PCNX4: variants seen among roughly 807,000 people sequenced by gnomAD.
PCNX4 encodes the protein pecanex 4.
PCNX4 carries 103 observed loss-of-function variants against 107.2 expected under a neutral mutation model. That is an observed-to-expected ratio of 0.96 (90% confidence interval 0.82 to 1.13). The LOEUF (loss-of-function observed/expected upper bound fraction) is 1.13. Ranked by LOEUF, PCNX4 falls within the 50% of genes most tolerant of loss-of-function variation. The pLI, the probability that PCNX4 is intolerant of heterozygous loss-of-function variation, is 0.00. For missense variants in PCNX4, 1,528 were observed against 1,379.4 expected (o/e 1.11, Z -1.71); for synonymous variants, 541 against 481.7 (o/e 1.12, Z -1.61).
At chr14:60,132,290 G>A (rs1595180910) in intron 10 of PCNX4, among the ~76,000 whole-genome samples, 1 of 152,254 alleles carries the variant, frequency 6.6e-6, no homozygotes, top group East Asian at 1.9e-4. Context: ...TTATAAGGAT[G>A]TCAGTCACTG....
intron 10 of PCNX4, among the ~76,000 whole-genome samples, chr14:60,128,682 T>A (rs1412025554): frequency 6.6e-6 from 1 of 152,156 alleles, no homozygotes; most frequent in Non-Finnish European, 1.5e-5. Context: ...ACTGTGTAAT[T>A]ATAAAAAACA....
At position 60,143,618 on chromosome 14, in the gene PCNX4, G is replaced by GTACA. The variant is rs1256785356; in HGVS notation, c.*9400_*9403dup. On this transcript the variant is annotated 3_prime_UTR_variant, in exon 11 of 11. Transcript: ENST00000406854. ...TTCTTCACTTATGACTATGCCTCTA[G>GTACA]TACATATCCATGTTGTTATGTATGC... is the stretch of plus-strand genomic sequence containing the variant. 1 of 152,168 alleles carries GTACA rather than the reference G, an allele frequency of 6.6e-6. No homozygotes were observed. Among genetic ancestry groups the GTACA allele is most frequent in the Non-Finnish European group, 1.5e-5 (1 of 68,042 alleles). The allele number at this position is 152,168 out of a possible 1,614,324, so 9.4% of individuals were successfully genotyped here. A position where few individuals can be genotyped will look rare whatever the true frequency, so the allele number is the denominator to read the frequency against.
In PCNX4 at chr14:60,115,443, C is replaced by T. The variant is rs562315792; in HGVS notation, c.1339C>T (p.Arg447Trp). The T allele has an allele frequency of 4.7e-5, 72 of 1,526,996 alleles. No homozygotes were observed. Among genetic ancestry groups the T allele is most frequent in the Middle Eastern group, 1.8e-4 (1 of 5,692 alleles). The allele number at this position is 1,526,996 out of a possible 1,614,324, so 94.6% of individuals were successfully genotyped here. Reference sequence around the variant, plus strand: ...GCTCATGAAGATTGGTATTGTCAGACGGATTTTGCTAACTTTAGGTAGGAA... The same window carrying T: ...GCTCATGAAGATTGGTATTGTCAGATGGATTTTGCTAACTTTAGGTAGGAA... ...TRLMKIGIVRRILLTLVSPFA... is the reference protein window; with the variant it reads ...TRLMKIGIVRWILLTLVSPFA... The change falls in exon 4 of 11, where the codon CGG (arginine) becomes TGG (tryptophan). Residue 447 changes from arginine to tryptophan, a missense_variant. Arg to Trp is a moderately radical substitution (Grantham distance 101). Coordinates refer to ENST00000406854, the MANE Select transcript of PCNX4 (RefSeq NM_001330177.2).
intron 1 of PCNX4, among the ~76,000 whole-genome samples, chr14:60,106,514 G>A (rs538084406): frequency 5.3e-5 from 8 of 152,310 alleles, no homozygotes; most frequent in African/African-American, 1.9e-4. Flanking sequence ...TACTTGCAGG[G>A]CTGTCATGTG....
chr14:60,115,353 T>A lies in PCNX4; in HGVS notation c.1249T>A (p.Phe417Ile). ...EIQSVYIIGIFRNPFYPKDVQ... is the reference protein window; with the variant it reads ...EIQSVYIIGIIRNPFYPKDVQ... ...TCAAAGCGTATATATCATTGGAATT[T>A]TCCGAAATCCCTTTTATCCGAAGGA... The change falls in exon 4 of 11, where the codon TTC becomes ATC. Residue 417 changes from phenylalanine (F) to isoleucine (I), a missense_variant. Transcript: ENST00000406854. 6.2e-7 allele frequency: 1 copy of A among 1,605,100 alleles called. No individual in the cohort carries two copies. The highest frequency in any genetic ancestry group is 8.5e-7 in the Non-Finnish European group (1 of 1,175,044).
chr14:60,115,628 G>A, intron 4 of PCNX4, 91 bp from the exon 5 acceptor site: 3 of 1,359,384 alleles, frequency 2.2e-6, no homozygotes, highest in Non-Finnish European at 3.0e-6. Flanking sequence ...GCTTAAATGT[G>A]CTCATAAAAA....
intron 8 of PCNX4, among the ~76,000 whole-genome samples, chr14:60,123,553 A>G (rs939364429): frequency 3.3e-5 from 5 of 152,046 alleles, no homozygotes; most frequent in African/African-American, 1.2e-4. Flanking sequence ...GTGACCTGAT[A>G]CCTCCTTTTC....
chr14:60,125,256 T>A lies in PCNX4; in HGVS notation c.3080+5T>A. ...ACTAGCACTGAAAGCATTCAGGTAA[T>A]CCATTTTGATCATATGTAAGTTATA... On this transcript the variant is annotated splice_donor_5th_base_variant and intron_variant, in intron 9 of 10. Transcript: ENST00000406854. 6.5e-7 allele frequency: 1 copy of A among 1,532,132 alleles called. No homozygotes were observed. The highest frequency in any genetic ancestry group is 8.7e-7 in the Non-Finnish European group (1 of 1,143,342). The allele number at this position is 1,532,132 out of a possible 1,614,324, so 94.9% of individuals were successfully genotyped here. A position where few individuals can be genotyped will look rare whatever the true frequency, so the allele number is the denominator to read the frequency against.
Position 60,125,078 on chromosome 14 carries a change from CTT to C in PCNX4, c.2910_2911del (p.Phe970LeufsTer11). 6.2e-7 allele frequency: 1 copy of C among 1,613,450 alleles called. No individual in the cohort carries two copies. Among genetic ancestry groups the C allele is most frequent in the Non-Finnish European group, 8.5e-7 (1 of 1,179,652 alleles). Reference protein sequence around the residue: ...EIAKDKVLKDFYVHTVMTCYF... With the variant: ...EIAKDKVLKDXYVHTVMTCYF... Reference sequence around the variant, plus strand: ...TTGCCAAGGACAAAGTTTTAAAAGACTTTTATGTTCATACAGTAATGACTTGT... The same window carrying C: ...TTGCCAAGGACAAAGTTTTAAAAGACTTATGTTCATACAGTAATGACTTGT... On this transcript the variant is annotated frameshift_variant, in exon 9 of 11. Coordinates refer to ENST00000406854, the MANE Select transcript of PCNX4 (RefSeq NM_001330177.2). LOFTEE classifies it high-confidence loss of function.
intron 6 of PCNX4, 97 bp downstream of exon 6, chr14:60,116,157 C>A: frequency 8.8e-7 from 1 of 1,134,780 alleles, no homozygotes; most frequent in Non-Finnish European, 1.2e-6. Flanking sequence ...GTCATCACCA[C>A]AATCTAATTT....
chr14:60,098,934 G>A (rs1001259478), intron 1 of PCNX4, among the ~76,000 whole-genome samples: 12 of 149,662 alleles, frequency 8.0e-5, no homozygotes, highest in Non-Finnish European at 1.6e-4. Context: ...GCGAAACTCC[G>A]TCTCAAAAAG....
At chr14:60,121,161 CTTTTTTTTTTT>C (rs747483127) in intron 7 of PCNX4, 24 bp from the exon 8 acceptor site, 12 of 1,103,158 alleles carry the variant, frequency 1.1e-5, no homozygotes, top group South Asian at 1.1e-4. Context: ...AAATGATTTT[CTTTTTTTTTTT>C]TTTTTTTTTC....
chr14:60,098,530 TC>T (rs1407512568), intron 1 of PCNX4, among the ~76,000 whole-genome samples: 1 of 152,230 alleles, frequency 6.6e-6, no homozygotes, highest in Admixed American at 6.5e-5. Flanking sequence ...ACGTGCTTGT[TC>T]CTTTTCAGTC....
At chr14:60,118,751 TAAC>T (rs1895901090) in intron 7 of PCNX4, 59 bp downstream of exon 7, 5 of 1,462,710 alleles carry the variant, frequency 3.4e-6, no homozygotes, top group East Asian at 2.3e-5. Context: ...TACAAAAAAA[TAAC>T]AAACAGGAAA....
chr14:60,100,704 G>C (rs1267459568), intron 1 of PCNX4, among the ~76,000 whole-genome samples: 2 of 152,182 alleles, frequency 1.3e-5, no homozygotes, highest in Non-Finnish European at 2.9e-5. Flanking sequence ...GGCCTAGAGA[G>C]TCATGCCCTA....
chr14:60,098,756 T>A (rs1895474598), intron 1 of PCNX4, among the ~76,000 whole-genome samples: 1 of 151,878 alleles, frequency 6.6e-6, no homozygotes, highest in East Asian at 1.9e-4. Flanking sequence ...CTGGTCAACA[T>A]GGTGAAACCC....
rs1332529642 is a variant in PCNX4 at position 60,147,446 on chromosome 14, A to T, written c.*13225A>T. On this transcript the variant is annotated 3_prime_UTR_variant, in exon 11 of 11. Transcript: ENST00000406854. ...ATGTATTAATTAGCTTGATTGTGGT[A>T]ATCATTTTACAGTGTATATTAGATC... 1 of 152,198 alleles carries T rather than the reference A, an allele frequency of 6.6e-6. No individual in the cohort carries two copies. The highest frequency in any genetic ancestry group is 1.5e-5 in the Non-Finnish European group (1 of 68,040). 9.4% of individuals were successfully genotyped at this position (152,198 alleles called of 1,614,324 possible).
Position 60,092,169 on chromosome 14 carries a change from A to G in PCNX4, c.-304A>G, listed in dbSNP as rs954830847. On this transcript the variant is annotated 5_prime_UTR_variant, in exon 1 of 11. Transcript: ENST00000406854. ...GGGCAGCGAGGCCAGCCAGGCGCCG[A>G]CGAGGTCCCCGAACGCGCACGCGCT... The G allele has an allele frequency of 2.0e-5, 3 of 152,312 alleles. No individual in the cohort carries two copies. The highest frequency in any genetic ancestry group is 7.2e-5 in the African/African-American group (3 of 41,470). The allele number at this position is 152,312 out of a possible 1,614,324, so 9.4% of individuals were successfully genotyped here. A position where few individuals can be genotyped will look rare whatever the true frequency, so the allele number is the denominator to read the frequency against.
In PCNX4 at chr14:60,115,225, A is replaced by G. The variant is rs1216726981; in HGVS notation, c.1121A>G (p.His374Arg). The change falls in exon 4 of 11, where the codon CAT (histidine) becomes CGT (arginine). Residue 374 changes from histidine to arginine, a missense_variant. By Grantham distance (29) the His-to-Arg change is conservative (BLOSUM62 0). Coordinates refer to ENST00000406854, the MANE Select transcript of PCNX4 (RefSeq NM_001330177.2). ...GCTCTTTTAGAAACTAGCTTGCTTC[A>G]TCACTTTGCTGGCTTCTCACAGATT... ...VLALLETSLL[H>R]HFAGFSQISK... 1 of 1,613,418 alleles carries G rather than the reference A, an allele frequency of 6.2e-7. No individual in the cohort carries two copies. Among genetic ancestry groups the G allele is most frequent in the East Asian group, 2.2e-5 (1 of 44,864 alleles).
Sources: gnomAD v4.1 joint callset for allele counts (sites outside exome capture counted in the v4.1 genomes callset) on GRCh38, gnomAD v4.1.1 for gene constraint, MANE v1.5 for transcripts, NCBI Gene and HGNC (gene_info 2026-07-23, HGNC 2026-07-21) for gene names.